Variants in GAS2 observed in about 807,000 individuals in gnomAD.
The protein encoded by GAS2 is growth arrest specific 2.
A neutral mutation model predicts 37.5 loss-of-function variants in GAS2; 20 were observed. That is an observed-to-expected ratio of 0.53 (90% CI 0.37 to 0.77). GAS2 has a LOEUF of 0.77. Among genes scored for constraint, GAS2 ranks in the 30% least tolerant of loss-of-function variants. The pLI, the probability that GAS2 is intolerant of heterozygous loss-of-function variation, is 0.00. For missense variants in GAS2, 336 were observed against 373.4 expected, an observed-to-expected ratio of 0.90 and a Z score of 0.82; for synonymous variants, 144 against 132.2, an observed-to-expected ratio of 1.09 and a Z score of -0.61.
chr11:22,727,202 A>G (rs1852258451), intron 4 of GAS2, among the ~76,000 whole-genome samples: 1 of 152,098 alleles, frequency 6.6e-6, no homozygotes, highest in South Asian at 2.1e-4. Context: ...TCAAATATGT[A>G]AAATATTAGA....
chr11:22,690,206 C>T (rs1850172556), intron 3 of GAS2, among the ~76,000 whole-genome samples: 2 of 152,074 alleles, frequency 1.3e-5, no homozygotes, highest in Admixed American at 1.3e-4. Context: ...GATTTAAATG[C>T]TCTTAAATCT....
intron 2 of GAS2, among the ~76,000 whole-genome samples, chr11:22,682,931 T>A: frequency 2.4e-5 from 3 of 127,506 alleles, no homozygotes; most frequent in Non-Finnish European, 3.4e-5. Flanking sequence ...ATATGATGAA[T>A]ACACAATACA....
intron 7 of GAS2, among the ~76,000 whole-genome samples, chr11:22,759,002 A>G (rs536958301): frequency 6.6e-6 from 1 of 152,122 alleles, no homozygotes; most frequent in South Asian, 2.1e-4. Flanking sequence ...ATGCTTAACT[A>G]AGCCAGGGTT....
At chr11:22,626,677 G>T (rs893655647) in intron 1 of GAS2, 1 of 152,134 alleles carries the variant, frequency 6.6e-6, no homozygotes, top group African/African-American at 2.4e-5. Context: ...TCTTACTTAA[G>T]TTCATAATAT....
intron 1 of GAS2, among the ~76,000 whole-genome samples, chr11:22,633,403 G>A (rs767456080): frequency 1.6e-4 from 25 of 152,188 alleles, no homozygotes; most frequent in Non-Finnish European, 3.2e-4. Context: ...TGTGCTCAGT[G>A]TGTGAGCAGG....
intron 5 of GAS2, among the ~76,000 whole-genome samples, chr11:22,745,135 A>AAG (rs1433298253): frequency 5.0e-4 from 62 of 123,666 alleles, no homozygotes; most frequent in Non-Finnish European, 9.3e-4. Flanking sequence ...AAAAAAAAAG[A>AAG]AAGAAAAAAG....
chr11:22,635,455 G>T (rs1590552455), intron 1 of GAS2, among the ~76,000 whole-genome samples: 2 of 152,238 alleles, frequency 1.3e-5, no homozygotes, highest in Admixed American at 1.3e-4. Context: ...CACACCTGCA[G>T]TGTTCCACTT....
intron 7 of GAS2, among the ~76,000 whole-genome samples, chr11:22,760,705 CAA>C (rs1237048849): frequency 1.3e-5 from 2 of 151,884 alleles, no homozygotes; most frequent in Admixed American, 6.6e-5. Context: ...AGGATAAAGA[CAA>C]AGAAAATGGG....
intron 1 of GAS2, among the ~76,000 whole-genome samples, chr11:22,639,526 C>T (rs543876341): frequency 1.6e-3 from 246 of 152,142 alleles, no homozygotes; most frequent in African/African-American, 5.3e-3. Flanking sequence ...TGTAAAATCA[C>T]GATTTCTTCA....
intron 2 of GAS2, among the ~76,000 whole-genome samples, chr11:22,675,685 TATAG>T (rs33998923): frequency 0.62 from 94,366 of 151,340 alleles, 30,577 homozygotes; most frequent in East Asian, 0.82. Context: ...GATCATCATA[TATAG>T]CAGCACTATT....
At chr11:22,666,971 C>A (rs955857009) in intron 1 of GAS2, 72 bp downstream of exon 1, 1 of 152,242 alleles carries the variant, frequency 6.6e-6, no homozygotes, top group Non-Finnish European at 1.5e-5. Context: ...CCGGGGCTCA[C>A]GGGAGCCCCT....
chr11:22,755,441 C>T (rs1368753860), intron 6 of GAS2, among the ~76,000 whole-genome samples: 1 of 152,094 alleles, frequency 6.6e-6, no homozygotes, highest in Non-Finnish European at 1.5e-5. Flanking sequence ...TAAAATTATA[C>T]TGAAGTAACA....
chr11:22,757,508 G>A (rs1481146694), intron 7 of GAS2, among the ~76,000 whole-genome samples: 1 of 152,096 alleles, frequency 6.6e-6, no homozygotes, highest in African/African-American at 2.4e-5. Context: ...TACTTCTAAT[G>A]TTCCAGGTGA....
At chr11:22,736,390 C>T (rs749023997) in intron 4 of GAS2, among the ~76,000 whole-genome samples, 1 of 151,906 alleles carries the variant, frequency 6.6e-6, no homozygotes, top group Non-Finnish European at 1.5e-5. Context: ...TTTCCATAAT[C>T]GGCTATGGGA....
chr11:22,755,699 T>C (rs1022381122), intron 6 of GAS2, 147 bp from the exon 7 acceptor site: 2 of 577,036 alleles, frequency 3.5e-6, no homozygotes, highest in Non-Finnish European at 6.1e-6. Flanking sequence ...TATGATTTAA[T>C]GTGATATTCC....
chr11:22,749,145 A>G lies in GAS2; in HGVS notation c.499A>G (p.Ile167Val). The part of the protein sequence containing the change: ...ARYGVEPPGL[I>V]KLEKEIEQEE... ...GTATGGTGTGGAGCCTCCTGGTTTG[A>G]TAAAGCTGGAAAAAGAGATTGAACA... The change falls in exon 6 of 8, where the codon ATA (isoleucine) becomes GTA (valine). Residue 167 changes from isoleucine to valine, a missense_variant. Transcript: ENST00000454584. 6.2e-7 allele frequency: 1 copy of G among 1,612,468 alleles called. No homozygotes were observed. Among genetic ancestry groups the G allele is most frequent in the Non-Finnish European group, 8.5e-7 (1 of 1,179,092 alleles).
intron 1 of GAS2, among the ~76,000 whole-genome samples, chr11:22,672,969 T>G (rs1849263953): frequency 6.6e-6 from 1 of 152,164 alleles, no homozygotes; most frequent in African/African-American, 2.4e-5. Context: ...AATCTAATAA[T>G]GTATGACAAG....
At chr11:22,789,445 T>TAA (rs1590133447) in intron 7 of GAS2, among the ~76,000 whole-genome samples, 5 of 102,122 alleles carry the variant, frequency 4.9e-5, no homozygotes, top group East Asian at 2.5e-4. Flanking sequence ...TATATATATA[T>TAA]ATATATATAT....
intron 6 of GAS2, among the ~76,000 whole-genome samples, chr11:22,754,736 C>T (rs1853931629): frequency 6.6e-6 from 1 of 151,972 alleles, no homozygotes; most frequent in Non-Finnish European, 1.5e-5. Context: ...TTACTCTCTG[C>T]ACAGTTTTTG....
Sources: gnomAD v4.1 joint callset for allele counts (sites outside exome capture counted in the v4.1 genomes callset) on GRCh38, gnomAD v4.1.1 for gene constraint, MANE v1.5 for transcripts, NCBI Gene and HGNC (gene_info 2026-07-23, HGNC 2026-07-21) for gene names.